Variants in SNAPC3 observed in about 807,000 individuals in gnomAD.
SNAPC3 encodes snRNA-activating protein complex subunit 3.
In SNAPC3, 56 loss-of-function variants were observed where a neutral mutation model predicts 47.7. That is an observed-to-expected ratio of 1.18 (90% confidence interval 0.95 to 1.47). The LOEUF (loss-of-function observed/expected upper bound fraction) is 1.47. Ranked by LOEUF, SNAPC3 falls within the 40% of genes most tolerant of loss-of-function variation. The pLI is 0.00. For missense variants in SNAPC3, 665 were observed against 511.3 expected, an observed-to-expected ratio of 1.30 and a Z score of -2.90; for synonymous variants, 235 against 189.9, an observed-to-expected ratio of 1.24 and a Z score of -1.95.
At chr9:15,437,452 T>G (rs1039868988) in intron 3 of SNAPC3, among the ~76,000 whole-genome samples, 2 of 151,328 alleles carry the variant, frequency 1.3e-5, no homozygotes, top group Non-Finnish European at 2.9e-5. Context: ...AAGATGGTCT[T>G]GAACTCCTGA....
intron 7 of SNAPC3, among the ~76,000 whole-genome samples, chr9:15,454,896 T>C (rs1236315553): frequency 6.6e-6 from 1 of 152,148 alleles, no homozygotes; most frequent in Non-Finnish European, 1.5e-5. Flanking sequence ...ATCGTGCCAC[T>C]GCACTCCAGC....
Position 15,423,023 on chromosome 9 carries a change from G to A in SNAPC3, c.144G>A (p.Gly48=), listed in dbSNP as rs370009420. The A allele has an allele frequency of 4.4e-5, 68 of 1,537,520 alleles. No homozygotes were observed. The highest frequency in any genetic ancestry group is 2.8e-4 in the South Asian group (23 of 81,470). The change falls in exon 1 of 9, where the codon GGG becomes GGA. Residue 48 remains glycine (G), a synonymous_variant. Transcript: ENST00000380821. ...NTRAFHVGAF[G]ELWRGRLRGA... ...GCGCTTTCCATGTGGGCGCCTTTGG[G>A]GAGCTGTGGCGGGGCCGTCTGCGCG... is the stretch of plus-strand genomic sequence containing the variant.
chr9:15,438,400 T>A (rs1027968084), intron 3 of SNAPC3, among the ~76,000 whole-genome samples: 1 of 152,132 alleles, frequency 6.6e-6, no homozygotes, highest in East Asian at 1.9e-4. Context: ...TTTGTCAAAT[T>A]TGATGTTTTC....
intron 3 of SNAPC3, 28 bp downstream of exon 3, chr9:15,433,664 CT>C (rs2131795673): frequency 1.4e-6 from 2 of 1,397,770 alleles, no homozygotes; most frequent in Non-Finnish European, 1.0e-6. Context: ...CTTTTTCACC[CT>C]TTTCTCTTAA....
Position 15,435,539 on chromosome 9 carries a change from C to T in SNAPC3, c.477+1903C>T, listed in dbSNP as rs563402248. 1.4e-3 allele frequency among the ~76,000 whole-genome samples: 214 copies of T among 151,848 alleles called. 1 individual carries two copies. Among genetic ancestry groups the T allele is most frequent in the African/African-American group, 4.9e-3 (203 of 41,376 alleles). On this transcript the variant is annotated intron_variant, in intron 3 of 8. Coordinates refer to ENST00000380821, the MANE Select transcript of SNAPC3 (RefSeq NM_001039697.2). Reference sequence around the variant, plus strand: ...TGTGAGCCAGTATCATGCCACTGCACTCCAGCCTGAGCAACAGAATGAGAC... The same window carrying T: ...TGTGAGCCAGTATCATGCCACTGCATTCCAGCCTGAGCAACAGAATGAGAC...
At chr9:15,457,879 C>A in intron 7 of SNAPC3, 81 bp from the exon 8 acceptor site, 1 of 779,030 alleles carries the variant, frequency 1.3e-6, no homozygotes, top group Non-Finnish European at 2.1e-6. Context: ...AATACTCAGG[C>A]ACAGATATAT....
At chr9:15,465,723 G>C (rs1032740537), downstream of SNAPC3, 10 of 605,000 alleles carry the variant, frequency 1.7e-5, no homozygotes, top group Non-Finnish European at 2.8e-5. Context: ...CTTGTTATTA[G>C]AACAGTCATT....
At chr9:15,434,817 C>T (rs1043448833) in intron 3 of SNAPC3, among the ~76,000 whole-genome samples, 11 of 152,280 alleles carry the variant, frequency 7.2e-5, no homozygotes, top group South Asian at 4.1e-4. Flanking sequence ...GTATACACCA[C>T]GTTTTGTTCT....
At chr9:15,425,229 A>AT (rs2031207705) in intron 2 of SNAPC3, among the ~76,000 whole-genome samples, 4 of 151,996 alleles carry the variant, frequency 2.6e-5, no homozygotes, top group Admixed American at 2.0e-4. Context: ...ATGTTACGTT[A>AT]TTTTTTTGAG....
At chr9:15,462,520 C>T (rs776487522), downstream of SNAPC3, 12 of 152,174 alleles carry the variant, frequency 7.9e-5, no homozygotes, top group Non-Finnish European at 7.3e-5. Flanking sequence ...AAATGTAACA[C>T]GCCTGTCAAA....
chr9:15,428,206 G>C (rs998723039), intron 2 of SNAPC3, among the ~76,000 whole-genome samples: 1 of 150,816 alleles, frequency 6.6e-6, no homozygotes, highest in Non-Finnish European at 1.5e-5. Context: ...TGGGAATCTT[G>C]TAAACTATCA....
chr9:15,454,826 C>T (rs994321402), intron 7 of SNAPC3, among the ~76,000 whole-genome samples: 2 of 152,036 alleles, frequency 1.3e-5, no homozygotes, highest in South Asian at 2.1e-4. Context: ...CCTAGCTACT[C>T]GGGAGGCTGA....
intron 6 of SNAPC3, among the ~76,000 whole-genome samples, chr9:15,452,353 T>A (rs1216004752): frequency 6.7e-6 from 1 of 150,132 alleles, no homozygotes; most frequent in African/African-American, 2.5e-5. Flanking sequence ...AGTTTCGCTC[T>A]TGTTGCCCAG....
chr9:15,457,995 T>C lies in SNAPC3; in HGVS notation c.1016T>C (p.Leu339Ser). The C allele has an allele frequency of 6.3e-7, 1 of 1,597,324 alleles. No homozygotes were observed. Among genetic ancestry groups the C allele is most frequent in the Non-Finnish European group, 8.5e-7 (1 of 1,174,478 alleles). The change falls in exon 8 of 9, where the codon TTG (leucine) becomes TCG (serine). Residue 339 changes from leucine (L) to serine (S), a missense_variant. Coordinates refer to ENST00000380821, the MANE Select transcript of SNAPC3 (RefSeq NM_001039697.2). Reference sequence around the variant, plus strand: ...CATGATGACTGCTTGGATAGGACATTGTATCCCCTCCTTATCAAGAAGCAT... The same window carrying C: ...CATGATGACTGCTTGGATAGGACATCGTATCCCCTCCTTATCAAGAAGCAT... ...VHHDDCLDRT[L>S]YPLLIKKHWL...
chr9:15,451,322 C>T lies in SNAPC3; in HGVS notation c.735C>T (p.Asp245=). Reference sequence around the variant, plus strand: ...CAATACAATCTGTTTTCTTGTAGGACCTATACAAATCAGCCTTCTTTTATT... The same window carrying T: ...CAATACAATCTGTTTTCTTGTAGGATCTATACAAATCAGCCTTCTTTTATT... The part of the protein sequence containing the change: ...PDQAPEHISK[D]LYKSAFFYFE... The change falls in exon 6 of 9, where the codon GAC becomes GAT. Residue 245 remains aspartate, a splice_region_variant and synonymous_variant. Transcript: ENST00000380821. The T allele has an allele frequency of 7.5e-7, 1 of 1,336,064 alleles. No homozygotes were observed. Among genetic ancestry groups the T allele is most frequent in the Non-Finnish European group, 1.1e-6 (1 of 950,716 alleles). 82.8% of individuals were successfully genotyped at this position (1,336,064 alleles called of 1,614,324 possible).
chr9:15,453,917 T>C (rs1381058795), intron 7 of SNAPC3, among the ~76,000 whole-genome samples: 2 of 152,218 alleles, frequency 1.3e-5, no homozygotes, highest in Non-Finnish European at 2.9e-5. Flanking sequence ...TTACTGGTAT[T>C]AATTAGTAAT....
intron 6 of SNAPC3, 34 bp from the exon 7 acceptor site, chr9:15,453,007 A>G (rs1034491640): frequency 1.3e-6 from 2 of 1,536,210 alleles, no homozygotes; most frequent in Middle Eastern, 1.7e-4. Flanking sequence ...GTTTTTGTGG[A>G]AAAATGATAT....
intron 5 of SNAPC3, among the ~76,000 whole-genome samples, chr9:15,449,557 A>AT (rs1563851150): frequency 8.1e-4 from 35 of 43,378 alleles, no homozygotes; most frequent in African/African-American, 2.6e-3. Flanking sequence ...ATATATATAT[A>AT]TATATATTTT....
At chr9:15,454,459 T>A (rs993042222) in intron 7 of SNAPC3, among the ~76,000 whole-genome samples, 1 of 152,290 alleles carries the variant, frequency 6.6e-6, no homozygotes, top group South Asian at 2.1e-4. Flanking sequence ...CTCAGAATTA[T>A]GGAAAAGTGA....
Sources: allele counts gnomAD v4.1 joint callset (sites outside exome capture counted in the v4.1 genomes callset), GRCh38; gene constraint gnomAD v4.1.1; transcripts MANE v1.5; gene names NCBI Gene and HGNC (gene_info 2026-07-23, HGNC 2026-07-21).